Variants in NEDD9 observed in about 807,000 individuals in gnomAD.
NEDD9 encodes enhancer of filamentation 1.
A neutral mutation model predicts 76.6 loss-of-function variants in NEDD9; 26 were observed. The observed-to-expected ratio is 0.34, with a 90% CI of 0.25 to 0.47. NEDD9 has a LOEUF of 0.47. Ranked by LOEUF, NEDD9 falls within the 20% of genes least tolerant of loss-of-function variation. The pLI is 1.00. For missense variants in NEDD9, 937 were observed against 1,058.5 expected (o/e 0.89, Z 1.59); for synonymous variants, 392 against 414.2 (o/e 0.95, Z 0.65).
chr6:11,349,212 CAAT>C (rs1298275197), intron 1 of NEDD9, among the ~76,000 whole-genome samples: 1 of 152,152 alleles, frequency 6.6e-6, no homozygotes, highest in African/African-American at 2.4e-5. Context: ...ATCAAAACTA[CAAT>C]GAGATACTAT....
chr6:11,301,803 T>G, intron 3 of NEDD9, among the ~76,000 whole-genome samples: 1 of 152,338 alleles, frequency 6.6e-6, no homozygotes, highest in Non-Finnish European at 1.5e-5. Flanking sequence ...AATAAAGATG[T>G]TCTTTGAAAC....
chr6:11,232,727 C>T, upstream of NEDD9: 1 of 1,432,250 alleles, frequency 7.0e-7, no homozygotes, highest in African/African-American at 1.4e-5. Flanking sequence ...TGCCGCCCCG[C>T]CATTGGCTAG....
chr6:11,184,852 G>T lies in NEDD9; in HGVS notation c.*310C>A. 4.7e-6 allele frequency: 1 copy of T among 212,032 alleles called. No homozygotes were observed. Among genetic ancestry groups the T allele is most frequent in the Non-Finnish European group, 9.4e-6 (1 of 105,974 alleles). The allele number at this position is 212,032 out of a possible 1,614,324, so 13.1% of individuals were successfully genotyped here. Reference sequence around the variant, plus strand: ...CGTAATTCATGGTTTTTTTTTTAATGAAATGCATCAGACAAACATCTACAA... The same window carrying T: ...CGTAATTCATGGTTTTTTTTTTAATTAAATGCATCAGACAAACATCTACAA... On this transcript the variant is annotated 3_prime_UTR_variant, in exon 7 of 7. Coordinates refer to ENST00000379446, the MANE Select transcript of NEDD9 (RefSeq NM_006403.4).
chr6:11,358,246 C>CA (rs35011508), intron 1 of NEDD9, among the ~76,000 whole-genome samples: 3,167 of 61,284 alleles, frequency 0.052, 329 homozygotes, highest in Non-Finnish European at 0.069. Context: ...AAGACTCCGT[C>CA]AAAAAAAAAA....
chr6:11,295,894 T>C (rs1245876696), intron 3 of NEDD9, among the ~76,000 whole-genome samples: 4 of 152,190 alleles, frequency 2.6e-5, no homozygotes, highest in African/African-American at 9.7e-5. Context: ...ACACCCACGT[T>C]AGGTGTGTGA....
intron 1 of NEDD9, among the ~76,000 whole-genome samples, chr6:11,356,955 T>G (rs1211858154): frequency 1.3e-5 from 2 of 152,170 alleles, no homozygotes. Flanking sequence ...CAGGATTTCC[T>G]GCTCTCAGCT....
intron 2 of NEDD9, among the ~76,000 whole-genome samples, chr6:11,205,637 T>TC (rs1758586140): frequency 6.6e-6 from 1 of 152,142 alleles, no homozygotes; most frequent in African/African-American, 2.4e-5. Flanking sequence ...TACTTTTTTT[T>TC]TTTTTTGAGA....
At chr6:11,233,374 G>T, upstream of NEDD9, 1 of 519,004 alleles carries the variant, frequency 1.9e-6, no homozygotes, top group South Asian at 1.4e-5. Flanking sequence ...CACACATATT[G>T]AGCGACCTTC....
chr6:11,371,439 C>T (rs1009863220), intron 1 of NEDD9, among the ~76,000 whole-genome samples: 1 of 152,212 alleles, frequency 6.6e-6, no homozygotes, highest in Non-Finnish European at 1.5e-5. Flanking sequence ...ATCCCTCCCT[C>T]CTTGCAGTCC....
intron 3 of NEDD9, among the ~76,000 whole-genome samples, chr6:11,298,698 G>A (rs1760962620): frequency 6.6e-6 from 1 of 152,184 alleles, no homozygotes; most frequent in South Asian, 2.1e-4. Flanking sequence ...TGAATGGATT[G>A]AGAATTCACA....
chr6:11,301,756 T>C (rs1561822543), intron 3 of NEDD9, among the ~76,000 whole-genome samples: 1 of 152,212 alleles, frequency 6.6e-6, no homozygotes. Flanking sequence ...AACATGCTCC[T>C]GAATGACTAC....
At chr6:11,318,687 T>TA (rs143403060) in intron 2 of NEDD9, among the ~76,000 whole-genome samples, 14,855 of 151,102 alleles carry the variant, frequency 0.098, 828 homozygotes, top group Admixed American at 0.17. Context: ...GTCTTTAAGT[T>TA]AAAAAAAAAC....
At chr6:11,236,215 T>C (rs1759596087), upstream of NEDD9, among the ~76,000 whole-genome samples, 1 of 152,104 alleles carries the variant, frequency 6.6e-6, no homozygotes, top group African/African-American at 2.4e-5. This position sits in a 1 kb window ranked among gnomAD's most constrained non-coding sequence, Gnocchi z 5.5. Context: ...CCTCCTGAAA[T>C]TGGCTAGAAC....
intron 3 of NEDD9, among the ~76,000 whole-genome samples, chr6:11,238,629 G>T (rs771421165): frequency 6.6e-6 from 1 of 151,994 alleles, no homozygotes; most frequent in African/African-American, 2.4e-5. Context: ...ACATCCTATC[G>T]TGCCTCCCGC....
At chr6:11,347,553 A>G (rs1762386266) in intron 1 of NEDD9, among the ~76,000 whole-genome samples, 1 of 152,212 alleles carries the variant, frequency 6.6e-6, no homozygotes, top group African/African-American at 2.4e-5. Context: ...CCCTCAGCAA[A>G]ATACTAGCAA....
Position 11,246,874 on chromosome 6 carries a change from G to A in NEDD9, c.13-33147C>T, listed in dbSNP as rs373566113. Among the ~76,000 whole-genome samples the A allele has an allele frequency of 2.2e-4, 33 of 152,280 alleles. No individual in the cohort carries two copies. The South Asian group carries it at 6.8e-3, about 32-fold the overall frequency. ...CGTTGCCTCCAGTTACGTGACTTAG[G>A]ATGCAGGAGTTCAGACGCATCAGAA... is the stretch of plus-strand genomic sequence containing the variant. On this transcript the variant is annotated intron_variant, in intron 3 of 3. Coordinates refer to the NEDD9 transcript ENST00000397378.
At chr6:11,365,716 G>A (rs372906416) in intron 1 of NEDD9, among the ~76,000 whole-genome samples, 1 of 152,222 alleles carries the variant, frequency 6.6e-6, no homozygotes, top group Non-Finnish European at 1.5e-5. Context: ...GGGGCCGGGC[G>A]CAGTGGCTCA....
At chr6:11,224,461 C>A (rs959457011) in intron 1 of NEDD9, among the ~76,000 whole-genome samples, 1 of 152,152 alleles carries the variant, frequency 6.6e-6, no homozygotes, top group African/African-American at 2.4e-5. Flanking sequence ...TAGCACTGGA[C>A]TTCTGCCCCA....
chr6:11,220,377 C>T (rs552009634), intron 1 of NEDD9, among the ~76,000 whole-genome samples: 6 of 152,168 alleles, frequency 3.9e-5, no homozygotes, highest in Non-Finnish European at 7.3e-5. Flanking sequence ...TTAGATTTTC[C>T]AGCTTTGTGA....
Sources: allele counts gnomAD v4.1 joint callset (sites outside exome capture counted in the v4.1 genomes callset), GRCh38; gene constraint gnomAD v4.1.1; non-coding constraint Gnocchi (gnomAD v3.1); transcripts MANE v1.5; gene names NCBI Gene and HGNC (gene_info 2026-07-23, HGNC 2026-07-21).